The following ADAMTS3 variants were observed in gnomAD, a reference collection of about 807,000 sequenced individuals.
The protein encoded by ADAMTS3 is ADAM metallopeptidase with thrombospondin type 1 motif 3.
A neutral mutation model predicts 129.0 loss-of-function variants in ADAMTS3; 73 were observed. That is an observed-to-expected ratio of 0.57 (90% CI 0.47 to 0.69). The LOEUF (loss-of-function observed/expected upper bound fraction) is 0.69, where lower values mean the gene tolerates loss of function less well. Ranked by LOEUF, ADAMTS3 falls within the 30% of genes least tolerant of loss-of-function variation. ADAMTS3 has a pLI of 0.00. For missense variants in ADAMTS3, 1,457 were observed against 1,514.5 expected, an observed-to-expected ratio of 0.96 and a Z score of 0.63; for synonymous variants, 477 against 510.8, an observed-to-expected ratio of 0.93 and a Z score of 0.89.
chr4:72,455,013 G>C (rs116470746), intron 3 of ADAMTS3, among the ~76,000 whole-genome samples: 2,857 of 151,720 alleles, frequency 0.019, 55 homozygotes, highest in Admixed American at 0.032. Context: ...CAGAATTCCT[G>C]TTTGTAAGGA....
At position 72,290,872 on chromosome 4, in the gene ADAMTS3, T is replaced by A; in HGVS notation, c.2914A>T (p.Thr972Ser). The A allele has an allele frequency of 2.5e-6, 4 of 1,613,868 alleles. No individual in the cohort carries two copies. In the South Asian group the frequency reaches 3.3e-5, roughly 13 times the overall value. The change falls in exon 20 of 22, where the codon ACA becomes TCA. Residue 972 changes from threonine (T) to serine (S), a missense_variant. By Grantham distance (58) the Thr-to-Ser change is moderately conservative. Transcript: ENST00000286657. ...ACACCTACCTCACTCCAGGGTCCTG[T>A]TTTCCACTGTGCAGGGCAGGGCACT... ...NRVPCPAQWK[T>S]GPWSECSVTC...
chr4:72,402,838 T>C (rs1375163416), intron 4 of ADAMTS3, among the ~76,000 whole-genome samples: 1 of 152,124 alleles, frequency 6.6e-6, no homozygotes, highest in African/African-American at 2.4e-5. Context: ...CATAGGAATG[T>C]CCATTAAGGT....
chr4:72,517,537 A>T (rs1270477510), intron 3 of ADAMTS3, among the ~76,000 whole-genome samples: 2 of 152,138 alleles, frequency 1.3e-5, no homozygotes, highest in East Asian at 3.9e-4. Context: ...CTATTCAGAG[A>T]TTCAACTTCT....
rs537165743 is a variant in ADAMTS3 at position 72,520,424 on chromosome 4, T to G, written c.504+28054A>C. Among the ~76,000 whole-genome samples, 431 of 152,318 alleles carry G rather than the reference T, an allele frequency of 2.8e-3. 3 individuals are homozygous for G. The highest frequency in any genetic ancestry group is 0.01 in the African/African-American group (417 of 41,580). ...GAGGTTACTGCTGTCTTTTTGTTTGTCTGTGCCCTGCCCCCAGAGGTGGAG... is the reference window on the plus strand; with the variant it reads ...GAGGTTACTGCTGTCTTTTTGTTTGGCTGTGCCCTGCCCCCAGAGGTGGAG... On this transcript the variant is annotated intron_variant, in intron 3 of 21. Transcript: ENST00000286657.
At chr4:72,511,343 A>C (rs976754973) in intron 3 of ADAMTS3, among the ~76,000 whole-genome samples, 3 of 152,190 alleles carry the variant, frequency 2.0e-5, no homozygotes, top group Admixed American at 6.5e-5. Context: ...AATGGGAGAA[A>C]ACATCTGCAA....
At chr4:72,520,126 A>G (rs922576856) in intron 3 of ADAMTS3, among the ~76,000 whole-genome samples, 4 of 152,208 alleles carry the variant, frequency 2.6e-5, no homozygotes, top group Non-Finnish European at 5.9e-5. Flanking sequence ...TTGCCTGGGT[A>G]TCAGCAGCGG....
intron 3 of ADAMTS3, among the ~76,000 whole-genome samples, chr4:72,544,452 C>G (rs1354618012): frequency 1.3e-5 from 2 of 152,112 alleles, no homozygotes; most frequent in African/African-American, 4.8e-5. Context: ...CTTACCACAG[C>G]AATCAGTGCA....
At chr4:72,530,365 AATATAAT>A (rs1435966457) in intron 3 of ADAMTS3, among the ~76,000 whole-genome samples, 9 of 84,922 alleles carry the variant, frequency 1.1e-4, no homozygotes, top group African/African-American at 4.0e-4. Flanking sequence ...TTAATATATA[AATATAAT>A]ATATAATATA....
At chr4:72,542,877 T>C (rs747018694) in intron 3 of ADAMTS3, among the ~76,000 whole-genome samples, 5 of 152,214 alleles carry the variant, frequency 3.3e-5, no homozygotes, top group Non-Finnish European at 5.9e-5. Context: ...CTTTACTTGT[T>C]TGGAAACATA....
intron 5 of ADAMTS3, among the ~76,000 whole-genome samples, chr4:72,331,853 TC>T (rs1196570970): frequency 6.6e-6 from 1 of 152,194 alleles, no homozygotes; most frequent in African/African-American, 2.4e-5. Flanking sequence ...CCATATCCTC[TC>T]TTTTTCAATT....
In ADAMTS3 at chr4:72,369,758, C is replaced by CAAA. The variant is rs377336677; in HGVS notation, c.662-30068_662-30066dup. Among the ~76,000 whole-genome samples the CAAA allele has an allele frequency of 1.5e-3, 196 of 130,370 alleles. 2 individuals are homozygous for CAAA. Among genetic ancestry groups the CAAA allele is most frequent in the African/African-American group, 5.1e-3 (189 of 36,724 alleles). 85.5% of individuals were successfully genotyped at this position (130,370 alleles called of 152,430 possible). A position where few individuals can be genotyped will look rare whatever the true frequency, so the allele number is the denominator to read the frequency against. On this transcript the variant is annotated intron_variant, in intron 4 of 21. Transcript: ENST00000286657. ...AAAAAAAAAATAAACAGACAAAGTA[C>CAAA]AAAAAAAAAAAACTTTGAAGGTGTT...
chr4:72,291,733 A>C (rs979079164), intron 19 of ADAMTS3, among the ~76,000 whole-genome samples: 5 of 151,904 alleles, frequency 3.3e-5, no homozygotes, highest in East Asian at 1.9e-4. Flanking sequence ...GTCTTTATAG[A>C]AGCATGATTT....
chr4:72,357,629 AAAC>A (rs1720614353), intron 4 of ADAMTS3, among the ~76,000 whole-genome samples: 1 of 151,928 alleles, frequency 6.6e-6, no homozygotes, highest in Non-Finnish European at 1.5e-5. Context: ...TGAAAAGGCC[AAAC>A]AACACTAGGT....
chr4:72,427,037 T>A (rs1346994674), intron 3 of ADAMTS3, among the ~76,000 whole-genome samples: 1 of 152,162 alleles, frequency 6.6e-6, no homozygotes, highest in Admixed American at 6.5e-5. Context: ...CATAACAAAT[T>A]GCCACAAATT....
intron 3 of ADAMTS3, among the ~76,000 whole-genome samples, chr4:72,493,850 A>G (rs866765014): frequency 3.3e-5 from 5 of 152,236 alleles, no homozygotes; most frequent in Middle Eastern, 3.4e-3. Context: ...TTTACAAAGT[A>G]TAGTATTATT....
At chr4:72,454,634 T>C (rs1046668716) in intron 3 of ADAMTS3, among the ~76,000 whole-genome samples, 3 of 151,724 alleles carry the variant, frequency 2.0e-5, no homozygotes, top group African/African-American at 7.2e-5. Flanking sequence ...TCCTTGGCAA[T>C]ATCTCATCTT....
chr4:72,534,203 TG>T (rs1331124636), intron 3 of ADAMTS3, among the ~76,000 whole-genome samples: 6 of 152,088 alleles, frequency 3.9e-5, no homozygotes, highest in Admixed American at 6.6e-5. Flanking sequence ...GGCGGGTGCC[TG>T]CAGTCCAAGC....
Position 72,315,980 on chromosome 4 carries a change from T to C in ADAMTS3, c.1486-9A>G, listed in dbSNP as rs746934862. On this transcript the variant is annotated splice_polypyrimidine_tract_variant and intron_variant, in intron 10 of 21. Transcript: ENST00000286657. Reference sequence around the variant, plus strand: ...GGGTCAAAGGTTCGGAACTGGAAGATAGATAATCAAATTGTCAGTGAACTC... The same window carrying C: ...GGGTCAAAGGTTCGGAACTGGAAGACAGATAATCAAATTGTCAGTGAACTC... 1.0e-5 allele frequency: 16 copies of C among 1,561,716 alleles called. No individual in the cohort carries two copies. The highest frequency in any genetic ancestry group is 5.7e-5 in the South Asian group (5 of 87,742).
chr4:72,461,391 C>G (rs1718767475), intron 3 of ADAMTS3, among the ~76,000 whole-genome samples: 2 of 151,736 alleles, frequency 1.3e-5, no homozygotes, highest in South Asian at 4.1e-4. Context: ...CTCATGCCAT[C>G]TGTAATGTGT....
Sources: allele counts gnomAD v4.1 joint callset (sites outside exome capture counted in the v4.1 genomes callset), GRCh38; gene constraint gnomAD v4.1.1; transcripts MANE v1.5; gene names NCBI Gene and HGNC (gene_info 2026-07-23, HGNC 2026-07-21).